Variants in PPM1H observed in about 807,000 individuals in gnomAD.
PPM1H encodes protein phosphatase, Mg2+/Mn2+ dependent 1H.
PPM1H carries 27 observed loss-of-function variants against 54.9 expected under a neutral mutation model. The observed-to-expected ratio is 0.49, with a 90% CI of 0.36 to 0.68. PPM1H has a LOEUF of 0.68. Among genes scored for constraint, PPM1H ranks in the 30% least tolerant of loss-of-function variants. PPM1H has a pLI of 0.00. For synonymous variants in PPM1H, 305 were observed against 270.8 expected (o/e 1.13, Z -1.24); for missense variants, 596 against 667.8 (o/e 0.89, Z 1.19).
chr12:62,926,813 G>A (rs1251159677), intron 1 of PPM1H, among the ~76,000 whole-genome samples: 1 of 152,122 alleles, frequency 6.6e-6, no homozygotes, highest in Non-Finnish European at 1.5e-5. Context: ...AATTAGCCAG[G>A]CATGGTGGCG....
At chr12:62,674,086 A>G (rs2075972788) in intron 8 of PPM1H, among the ~76,000 whole-genome samples, 1 of 152,168 alleles carries the variant, frequency 6.6e-6, no homozygotes, top group African/African-American at 2.4e-5. Context: ...AGGAAATATA[A>G]CAACTGCTCT....
At chr12:62,748,801 C>A (rs2076426386) in intron 4 of PPM1H, among the ~76,000 whole-genome samples, 1 of 152,120 alleles carries the variant, frequency 6.6e-6, no homozygotes. Context: ...GCACCAGCAC[C>A]AGCCTGGGAA....
intron 5 of PPM1H, chr12:62,720,544 C>G (rs745443084): frequency 7.7e-5 from 33 of 428,794 alleles, no homozygotes; most frequent in Non-Finnish European, 1.3e-4. Context: ...CTGAAGGGAT[C>G]AGGAAAAAAG....
chr12:62,878,626 TAAAAAAAAAAAAAA>T (rs34587900), intron 1 of PPM1H, among the ~76,000 whole-genome samples: 29 of 81,582 alleles, frequency 3.6e-4, no homozygotes, highest in South Asian at 1.8e-3. Context: ...TGATTACGCT[TAAAAAAAAAAAAAA>T]AAAAAAAAAA....
rs140681910 is a variant in PPM1H at position 62,719,411 on chromosome 12, G to A, written c.1073+760C>T. Among the ~76,000 whole-genome samples, 585 of 152,274 alleles carry A rather than the reference G, an allele frequency of 3.8e-3. 4 individuals carry two copies. The highest frequency in any genetic ancestry group is 0.024 in the Middle Eastern group (7 of 294). ...GAGGCTCGCTCGTTAGGACCCCAGG[G>A]CACAAGAGCAAATCTTCACCCACAC... On this transcript the variant is annotated intron_variant, in intron 6 of 9. Transcript: ENST00000228705.
At chr12:62,685,724 A>G (rs544341329) in intron 8 of PPM1H, among the ~76,000 whole-genome samples, 2 of 152,346 alleles carry the variant, frequency 1.3e-5, no homozygotes, top group African/African-American at 4.8e-5. Flanking sequence ...CAGCATGACC[A>G]CAGTTAATAA....
chr12:62,772,875 T>C (rs73314585), intron 4 of PPM1H, among the ~76,000 whole-genome samples: 25,132 of 151,962 alleles, frequency 0.17, 2,292 homozygotes, highest in African/African-American at 0.23. Context: ...ATAGGCTGGG[T>C]GTGGTGGCTC....
intron 2 of PPM1H, among the ~76,000 whole-genome samples, chr12:62,806,454 G>A (rs753282081): frequency 5.3e-5 from 8 of 152,154 alleles, no homozygotes; most frequent in Non-Finnish European, 1.2e-4. Context: ...GTCCAGTGGG[G>A]AAGACAGACA....
Position 62,801,898 on chromosome 12 carries a change from G to T in PPM1H, c.674C>A (p.Pro225His), listed in dbSNP as rs575495458. 2 of 1,613,782 alleles carry T rather than the reference G, an allele frequency of 1.2e-6. No homozygotes were observed. The highest frequency in any genetic ancestry group is 2.7e-5 in the African/African-American group (2 of 75,062). Residue 225 changes from proline to histidine, a missense_variant, in exon 3 of 10, where the codon CCC becomes CAC. Pro to His is a moderately conservative substitution (Grantham distance 77). Coordinates refer to ENST00000228705, the MANE Select transcript of PPM1H (RefSeq NM_020700.2). Reference protein sequence around the residue: ...GVGAPGSPSTPPTRFFTEKKI... With the variant: ...GVGAPGSPSTHPTRFFTEKKI... ...CTTCTCGGTAAAGAAGCGTGTGGGG[G>T]GCGTGCTGGGGGAGCCCGGGGCCCC...
At chr12:62,742,569 G>A (rs184990057) in intron 4 of PPM1H, among the ~76,000 whole-genome samples, 1 of 152,350 alleles carries the variant, frequency 6.6e-6, no homozygotes, top group East Asian at 1.9e-4. Context: ...GCTACAGTCT[G>A]TCATCACAGG....
At chr12:62,742,162 G>A (rs1007951210) in intron 4 of PPM1H, among the ~76,000 whole-genome samples, 4 of 152,162 alleles carry the variant, frequency 2.6e-5, no homozygotes, top group Non-Finnish European at 5.9e-5. Flanking sequence ...AGGTATCTGC[G>A]TTCCATTACA....
At chr12:62,663,259 G>A (rs902191290) in intron 9 of PPM1H, among the ~76,000 whole-genome samples, 1 of 151,996 alleles carries the variant, frequency 6.6e-6, no homozygotes, top group South Asian at 2.1e-4. Context: ...TGCATGGTTT[G>A]TTAAAACACA....
chr12:62,893,097 C>G (rs753958887), intron 1 of PPM1H, among the ~76,000 whole-genome samples: 4 of 152,148 alleles, frequency 2.6e-5, no homozygotes, highest in Non-Finnish European at 5.9e-5. Flanking sequence ...TTTATACTGC[C>G]TCTGAGCTAA....
intron 4 of PPM1H, among the ~76,000 whole-genome samples, chr12:62,744,633 C>A (rs967394524): frequency 6.6e-6 from 1 of 152,190 alleles, no homozygotes; most frequent in African/African-American, 2.4e-5. Context: ...GAGTCTGATT[C>A]CATGCCCGAA....
chr12:62,850,455 T>C (rs73135692), intron 1 of PPM1H, among the ~76,000 whole-genome samples: 5,455 of 151,892 alleles, frequency 0.036, 137 homozygotes, highest in Non-Finnish European at 0.051. Flanking sequence ...CTTAACTGCA[T>C]AGCAAATTGG....
At chr12:62,717,936 A>C (rs1453846337) in intron 6 of PPM1H, among the ~76,000 whole-genome samples, 2 of 152,220 alleles carry the variant, frequency 1.3e-5, no homozygotes, top group Admixed American at 6.5e-5. Context: ...CTTATTACAA[A>C]ATCCTAGGCA....
At chr12:62,688,081 G>A (rs2076063847) in intron 8 of PPM1H, among the ~76,000 whole-genome samples, 1 of 151,530 alleles carries the variant, frequency 6.6e-6, no homozygotes, top group African/African-American at 2.4e-5. Flanking sequence ...CCTGACTTAT[G>A]CCTTCCTGAT....
intron 1 of PPM1H, among the ~76,000 whole-genome samples, chr12:62,894,389 C>A (rs954943787): frequency 6.6e-6 from 1 of 152,100 alleles, no homozygotes. Context: ...TAGATGAGAA[C>A]GTTGCTCCTC....
At chr12:62,875,869 C>T (rs1437055044) in intron 1 of PPM1H, among the ~76,000 whole-genome samples, 1 of 152,192 alleles carries the variant, frequency 6.6e-6, no homozygotes, top group Non-Finnish European at 1.5e-5. Flanking sequence ...ACTAAGGCCT[C>T]TGTGAAGGTT....
Sources: gnomAD v4.1 joint callset for allele counts (sites outside exome capture counted in the v4.1 genomes callset) on GRCh38, gnomAD v4.1.1 for gene constraint, MANE v1.5 for transcripts, NCBI Gene and HGNC (gene_info 2026-07-23, HGNC 2026-07-21) for gene names.